CPED1: variants seen among roughly 807,000 people sequenced by gnomAD.
CPED1 encodes cadherin like and PC-esterase domain containing 1, also known as cadherin-like and PC-esterase domain-containing protein 1.
In CPED1, 114 loss-of-function variants were observed where a neutral mutation model predicts 128.2. The ratio of observed to expected loss-of-function variants is 0.89; its 90% CI spans 0.76 to 1.04. CPED1 has a LOEUF of 1.04. Among genes scored for constraint, CPED1 ranks in the 50% least tolerant of loss-of-function variants. The pLI, the probability that CPED1 is intolerant of heterozygous loss-of-function variation, is 0.00. For synonymous variants in CPED1, 462 were observed against 426.7 expected (o/e 1.08, Z -1.02); for missense variants, 1,211 against 1,207.1 (o/e 1.00, Z -0.05).
intron 2 of CPED1, among the ~76,000 whole-genome samples, chr7:121,004,926 T>C (rs1421798421): frequency 1.3e-5 from 2 of 152,212 alleles, no homozygotes; most frequent in African/African-American, 4.8e-5. Flanking sequence ...GTATGTTCAC[T>C]GTATGTATGA....
At chr7:121,243,111 T>C (rs1798440933) in intron 17 of CPED1, among the ~76,000 whole-genome samples, 1 of 152,154 alleles carries the variant, frequency 6.6e-6, no homozygotes. Context: ...TTTTAAGTTT[T>C]TTCCTTTCTA....
intron 2 of CPED1, among the ~76,000 whole-genome samples, chr7:121,003,398 T>C (rs1451732441): frequency 6.6e-6 from 1 of 152,126 alleles, no homozygotes; most frequent in African/African-American, 2.4e-5. Flanking sequence ...GCAACACAAT[T>C]GATCCCATAA....
intron 18 of CPED1, among the ~76,000 whole-genome samples, chr7:121,249,346 A>G (rs1798614354): frequency 6.6e-6 from 1 of 152,180 alleles, no homozygotes; most frequent in South Asian, 2.1e-4. Context: ...ATGCTATATG[A>G]AATGACCATC....
Position 121,218,104 on chromosome 7 carries a change from A to G in CPED1, c.2056-18610A>G, listed in dbSNP as rs1305345057. On this transcript the variant is annotated intron_variant, in intron 16 of 22. Transcript: ENST00000310396. ...GGTTCAGATGATTCTCCTGCCTCAG[A>G]CTCCTGAGTAGCTGGAATTACAGGC... 2.7e-5 allele frequency among the ~76,000 whole-genome samples: 4 copies of G among 147,188 alleles called. No individual in the cohort carries two copies. The East Asian group carries it at 8.0e-4, about 29-fold the overall frequency.
At chr7:121,140,793 G>T (rs1456889049) in intron 14 of CPED1, 34 bp from the exon 15 acceptor site, 2 of 1,499,816 alleles carry the variant, frequency 1.3e-6, no homozygotes, top group Non-Finnish European at 1.8e-6. Flanking sequence ...CCACTTCACA[G>T]TTGTCTTTGT....
At position 121,202,614 on chromosome 7, in the gene CPED1, T is replaced by C. The variant is rs142846337; in HGVS notation, c.2056-34100T>C. On this transcript the variant is annotated intron_variant, in intron 16 of 22. Transcript: ENST00000310396. Reference sequence around the variant, plus strand: ...AACACATTCTGACTTATTATCTCAGTTGACCCTCCCAGTAAATGAAGCAAG... The same window carrying C: ...AACACATTCTGACTTATTATCTCAGCTGACCCTCCCAGTAAATGAAGCAAG... 7.9e-5 allele frequency among the ~76,000 whole-genome samples: 12 copies of C among 152,270 alleles called. No homozygotes were observed. The East Asian group carries it at 2.3e-3, about 29-fold the overall frequency.
rs61530693 is a variant in CPED1, at chr7:121,117,099, A to AT, written c.919-7232_919-7231insT. On this transcript the variant is annotated intron_variant, in intron 7 of 22. Coordinates refer to ENST00000310396, the MANE Select transcript of CPED1 (RefSeq NM_024913.5). ...ACATTATATATATATATATATATAT[A>AT]AATATATATATATATGTTTGAGATG... Among the ~76,000 whole-genome samples, 862 of 140,148 alleles carry AT rather than the reference A, an allele frequency of 6.2e-3. 4 individuals are homozygous for AT. The highest frequency in any genetic ancestry group is 7.8e-3 in the Non-Finnish European group (511 of 65,176). 91.9% of individuals were successfully genotyped at this position (140,148 alleles called of 152,430 possible).
chr7:121,210,206 G>T (rs1454928089), intron 16 of CPED1, among the ~76,000 whole-genome samples: 8 of 151,898 alleles, frequency 5.3e-5, no homozygotes, highest in African/African-American at 1.9e-4. Flanking sequence ...ATATGCTGTT[G>T]GTGGGAATGT....
At chr7:121,191,511 G>A (rs1797140800) in intron 16 of CPED1, among the ~76,000 whole-genome samples, 1 of 152,116 alleles carries the variant, frequency 6.6e-6, no homozygotes. Context: ...ACACAATTAT[G>A]TACAATCTGC....
rs370962072 is a variant in CPED1, at chr7:121,133,840, A to T, written c.1595A>T (p.Asp532Val). ...HPLEWNSFTE[D>V]KNIEKPQVPF... Reference sequence around the variant, plus strand: ...ATTTGCAGGAATTCTTTCACAGAAGATAAGAACATTGAAAAACCACAAGTG... The same window carrying T: ...ATTTGCAGGAATTCTTTCACAGAAGTTAAGAACATTGAAAAACCACAAGTG... The change falls in exon 13 of 23, where the codon GAT becomes GTT. Residue 532 changes from aspartate (D) to valine (V), a missense_variant. Coordinates refer to ENST00000310396, the MANE Select transcript of CPED1 (RefSeq NM_024913.5). 82 of 1,603,304 alleles carry T rather than the reference A, an allele frequency of 5.1e-5. 2 individuals carry two copies. In the Admixed American group the frequency reaches 1.3e-3, roughly 26 times the overall value.
intron 7 of CPED1, among the ~76,000 whole-genome samples, chr7:121,117,225 C>T (rs899389672): frequency 5.9e-5 from 9 of 151,276 alleles, no homozygotes; most frequent in African/African-American, 1.5e-4. Context: ...CTCAGCCTCC[C>T]GAGTAGCTGG....
At chr7:121,253,434 C>T (rs896103930) in intron 18 of CPED1, among the ~76,000 whole-genome samples, 69 of 151,792 alleles carry the variant, frequency 4.5e-4, no homozygotes, top group African/African-American at 1.6e-3. Flanking sequence ...GCATGGTGTG[C>T]ACATGTACCC....
In CPED1 at chr7:121,047,646, T is replaced by TTTCTTCTTCTTCTTCTTC. The variant is rs201842531; in HGVS notation, c.540+707_540+724dup. ...TACAATTCGCCATCTAGATAGCACC[T>TTTCTTCTTCTTCTTCTTC]TTCTTCTTCTTCTTCTTCTTCTTCT... On this transcript the variant is annotated intron_variant, in intron 4 of 22. Transcript: ENST00000310396. Among the ~76,000 whole-genome samples the TTTCTTCTTCTTCTTCTTC allele has an allele frequency of 1.2e-3, 146 of 123,062 alleles. 2 individuals carry two copies. Among genetic ancestry groups the TTTCTTCTTCTTCTTCTTC allele is most frequent in the African/African-American group, 4.1e-3 (114 of 27,996 alleles). 80.7% of individuals were successfully genotyped at this position (123,062 alleles called of 152,430 possible). A position where few individuals can be genotyped will look rare whatever the true frequency, so the allele number is the denominator to read the frequency against.
intron 20 of CPED1, 126 bp downstream of exon 20, chr7:121,266,934 C>G (rs1584643215): frequency 1.4e-6 from 1 of 706,830 alleles, no homozygotes. Flanking sequence ...TACTTAAAGT[C>G]TAGTTTAAAA....
chr7:121,117,866 A>T (rs1024811884), intron 7 of CPED1, among the ~76,000 whole-genome samples: 10 of 152,018 alleles, frequency 6.6e-5, no homozygotes, highest in Non-Finnish European at 8.8e-5. Context: ...AAGAAAGACC[A>T]GCTTTTGCTA....
At chr7:121,199,136 G>T (rs1797331470) in intron 16 of CPED1, among the ~76,000 whole-genome samples, 1 of 152,078 alleles carries the variant, frequency 6.6e-6, no homozygotes, top group South Asian at 2.1e-4. Flanking sequence ...GAGCTAAGAA[G>T]AACATAACAA....
chr7:121,018,156 T>C (rs993045398), intron 3 of CPED1, among the ~76,000 whole-genome samples: 2 of 152,044 alleles, frequency 1.3e-5, no homozygotes, highest in African/African-American at 4.8e-5. Context: ...TAAAAAAGAG[T>C]TGTGACTATA....
chr7:121,294,238 A>G (rs1458423062), intron 22 of CPED1, among the ~76,000 whole-genome samples: 2 of 152,246 alleles, frequency 1.3e-5, no homozygotes, highest in African/African-American at 4.8e-5. Flanking sequence ...ATATTCATAA[A>G]GTAACCATGA....
At chr7:121,225,410 A>AT (rs1584611847) in intron 16 of CPED1, among the ~76,000 whole-genome samples, 1 of 151,734 alleles carries the variant, frequency 6.6e-6, no homozygotes, top group East Asian at 1.9e-4. Context: ...TGCCCTTAAC[A>AT]TTTTTTCCTT....
Sources: allele counts gnomAD v4.1 joint callset (sites outside exome capture counted in the v4.1 genomes callset), GRCh38; gene constraint gnomAD v4.1.1; transcripts MANE v1.5; gene names NCBI Gene and HGNC (gene_info 2026-07-23, HGNC 2026-07-21).